MUC13: variants seen among roughly 807,000 people sequenced by gnomAD.
MUC13 encodes mucin-13.
In MUC13, 32 loss-of-function variants were observed where a neutral mutation model predicts 48.3. The observed-to-expected ratio is 0.66, with a 90% CI of 0.50 to 0.89. The LOEUF is 0.89. Among genes scored for constraint, MUC13 ranks in the 40% least tolerant of loss-of-function variants. The pLI, the probability that MUC13 is intolerant of heterozygous loss-of-function variation, is 0.00. For missense variants in MUC13, 571 were observed against 622.8 expected, an observed-to-expected ratio of 0.92 and a Z score of 0.88; for synonymous variants, 199 against 224.9, an observed-to-expected ratio of 0.88 and a Z score of 1.03.
At chr3:124,908,088 C>T in intron 11 of MUC13, 59 bp downstream of exon 11, 1 of 1,552,058 alleles carries the variant, frequency 6.4e-7, no homozygotes. Context: ...GCAACCAGGT[C>T]TCTGCTCTGC....
rs1316701366 is a variant in MUC13, at chr3:124,923,551, A to G, written c.613T>C (p.Tyr205His). The change falls in exon 3 of 12, where the codon TAC becomes CAC. Residue 205 changes from tyrosine to histidine, a missense_variant. Transcript: ENST00000616727. ...SFCLCLEGYY[Y>H]NSSTCKKGKV... ...CCTTTCTTACATGTAGAAGAGTTGT[A>G]GTAATACCCTTCTAAACACAGGCAA... 1 of 1,613,928 alleles carries G rather than the reference A, an allele frequency of 6.2e-7. No individual in the cohort carries two copies.
chr3:124,919,431 C>G (rs1219228347), intron 5 of MUC13, among the ~76,000 whole-genome samples: 1 of 149,442 alleles, frequency 6.7e-6, no homozygotes, highest in Non-Finnish European at 1.5e-5. Flanking sequence ...CTCAAGTGAT[C>G]CTCCCATTTC....
chr3:124,910,097 A>C (rs1400615742), intron 10 of MUC13, among the ~76,000 whole-genome samples: 1 of 152,120 alleles, frequency 6.6e-6, no homozygotes, highest in East Asian at 1.9e-4. Context: ...GCTATTGCCT[A>C]TATAATAAGA....
chr3:124,928,061 C>A, intron 1 of MUC13, 68 bp from the exon 2 acceptor site: 91 of 986,786 alleles, frequency 9.2e-5, no homozygotes, highest in Non-Finnish European at 1.3e-4. Context: ...TTACTTAATA[C>A]TAAATCATAT....
intron 1 of MUC13, 46 bp downstream of exon 1, chr3:124,934,615 A>G: frequency 7.3e-7 from 1 of 1,370,420 alleles, no homozygotes; most frequent in Non-Finnish European, 1.0e-6. Flanking sequence ...TACCTCAAAG[A>G]CAACATACAT....
chr3:124,907,259 A>C (rs1935333985), intron 11 of MUC13, among the ~76,000 whole-genome samples: 1 of 152,132 alleles, frequency 6.6e-6, no homozygotes, highest in African/African-American at 2.4e-5. Flanking sequence ...CTCCTGCTTC[A>C]GGCTCCCAAA....
At chr3:124,921,245 G>A (rs1287502142) in intron 4 of MUC13, among the ~76,000 whole-genome samples, 1 of 151,916 alleles carries the variant, frequency 6.6e-6, no homozygotes, top group Non-Finnish European at 1.5e-5. Flanking sequence ...CACCTCCTGG[G>A]TTCAAGAGAT....
intron 1 of MUC13, among the ~76,000 whole-genome samples, chr3:124,931,178 AT>A (rs1935787853): frequency 6.6e-6 from 1 of 152,008 alleles, no homozygotes; most frequent in African/African-American, 2.4e-5. Flanking sequence ...CATGTCTGTA[AT>A]CCCGGCACTT....
intron 11 of MUC13, among the ~76,000 whole-genome samples, chr3:124,907,433 T>G (rs1340955269): frequency 6.6e-6 from 1 of 152,068 alleles, no homozygotes; most frequent in African/African-American, 2.4e-5. Flanking sequence ...CTGGGCAACA[T>G]GGCAGAAACC....
Position 124,905,534 on chromosome 3 carries a change from C to G in MUC13, c.*1209G>C, listed in dbSNP as rs1344273312. 1.3e-5 allele frequency: 2 copies of G among 152,552 alleles called. No individual in the cohort carries two copies. Among genetic ancestry groups the G allele is most frequent in the East Asian group, 3.9e-4 (2 of 5,194 alleles). 9.4% of individuals were successfully genotyped at this position (152,552 alleles called of 1,614,324 possible). A position where few individuals can be genotyped will look rare whatever the true frequency, so the allele number is the denominator to read the frequency against. On this transcript the variant is annotated 3_prime_UTR_variant, in exon 12 of 12. Transcript: ENST00000616727. Reference sequence around the variant, plus strand: ...ACAAATAAAATAACTTTTAAGAGGACAAGGCATTAGAAATAAAAAAGGACA... The same window carrying G: ...ACAAATAAAATAACTTTTAAGAGGAGAAGGCATTAGAAATAAAAAAGGACA...
At chr3:124,914,827 G>A (rs1016797001) in intron 6 of MUC13, among the ~76,000 whole-genome samples, 4 of 152,322 alleles carry the variant, frequency 2.6e-5, no homozygotes, top group African/African-American at 9.6e-5. Context: ...TCGAGAGGCT[G>A]AGGCAGGAGA....
At position 124,906,617 on chromosome 3, in the gene MUC13, A is replaced by G. The variant is rs1024062704; in HGVS notation, c.*126T>C. 6.6e-6 allele frequency: 1 copy of G among 152,202 alleles called. No individual in the cohort carries two copies. The highest frequency in any genetic ancestry group is 1.5e-5 in the Non-Finnish European group (1 of 68,034). 9.4% of individuals were successfully genotyped at this position (152,202 alleles called of 1,614,324 possible). A position where few individuals can be genotyped will look rare whatever the true frequency, so the allele number is the denominator to read the frequency against. On this transcript the variant is annotated 3_prime_UTR_variant, in exon 12 of 12. Coordinates refer to ENST00000616727, the MANE Select transcript of MUC13 (RefSeq NM_033049.4). ...ATTCAGAGAGGCTGGCAGATGTCAG[A>G]TGGAAGAAAAACCCCGGAGGCCAGA... is the stretch of plus-strand genomic sequence containing the variant.
chr3:124,905,733 C>T lies in MUC13; in HGVS notation c.*1010G>A, dbSNP rs1935305459. 6.5e-6 allele frequency: 1 copy of T among 153,024 alleles called. No individual in the cohort carries two copies. Among genetic ancestry groups the T allele is most frequent in the Non-Finnish European group, 1.5e-5 (1 of 68,082 alleles). The allele number at this position is 153,024 out of a possible 1,614,324, so 9.5% of individuals were successfully genotyped here. On this transcript the variant is annotated 3_prime_UTR_variant, in exon 12 of 12. Transcript: ENST00000616727. ...ACCCCGAGGCTGGACGGCTGGACTC[C>T]TGAGCACAAGCTCCCTCTCGCACCC...
At position 124,912,099 on chromosome 3, in the gene MUC13, C is replaced by T. The variant is rs1188632858; in HGVS notation, c.1252+5G>A. On this transcript the variant is annotated splice_donor_5th_base_variant and intron_variant, in intron 9 of 11. Transcript: ENST00000616727. ...TGTTTATAATAGCAAGACTTTCATA[C>T]TCACTGTCCTTACAGTCGAGTCCAC... is the stretch of plus-strand genomic sequence containing the variant. The T allele has an allele frequency of 6.2e-7, 1 of 1,612,468 alleles. No homozygotes were observed. Among genetic ancestry groups the T allele is most frequent in the Non-Finnish European group, 8.5e-7 (1 of 1,179,330 alleles).
chr3:124,919,470 G>A (rs956653203), intron 5 of MUC13, among the ~76,000 whole-genome samples: 3 of 150,386 alleles, frequency 2.0e-5, no homozygotes, highest in Admixed American at 6.7e-5. Flanking sequence ...GATTACAGAT[G>A]TGAGCCACCA....
At chr3:124,928,291 C>CA (rs973897948) in intron 1 of MUC13, among the ~76,000 whole-genome samples, 2 of 151,462 alleles carry the variant, frequency 1.3e-5, no homozygotes, top group African/African-American at 2.4e-5. Flanking sequence ...TTTCTAAACA[C>CA]AAAAAACCCA....
At position 124,922,314 on chromosome 3, in the gene MUC13, A is replaced by G. The variant is rs373259817; in HGVS notation, c.638-11T>C. 6.9e-5 allele frequency: 111 copies of G among 1,613,182 alleles called. No homozygotes were observed. The highest frequency in any genetic ancestry group is 9.0e-5 in the Non-Finnish European group (106 of 1,179,754). ...CAGGGAATACCTTTCCTGAAAGTTA[A>G]GCAGAATCTTTCTGTACTATTTGAT... is the stretch of plus-strand genomic sequence containing the variant. On this transcript the variant is annotated splice_polypyrimidine_tract_variant and intron_variant, in intron 3 of 11. Transcript: ENST00000616727.
At chr3:124,912,631 G>A (rs966811725) in intron 8 of MUC13, among the ~76,000 whole-genome samples, 12 of 152,170 alleles carry the variant, frequency 7.9e-5, no homozygotes, top group African/African-American at 2.7e-4. Context: ...CTGGAGCATA[G>A]AGAATGCTCA....
At chr3:124,929,796 G>T (rs536764678) in intron 1 of MUC13, among the ~76,000 whole-genome samples, 1 of 152,328 alleles carries the variant, frequency 6.6e-6, no homozygotes, top group African/African-American at 2.4e-5. Context: ...GCAAAGCCAG[G>T]TCTGTGAGAT....
Sources: gnomAD v4.1 joint callset for allele counts (sites outside exome capture counted in the v4.1 genomes callset) on GRCh38, gnomAD v4.1.1 for gene constraint, MANE v1.5 for transcripts, NCBI Gene and HGNC (gene_info 2026-07-23, HGNC 2026-07-21) for gene names.